The following TGFB3 variants were observed in gnomAD, a reference collection of about 807,000 sequenced individuals.
TGFB3 encodes transforming growth factor beta-3 proprotein.
Under a neutral mutation model 40.1 loss-of-function variants are expected in TGFB3, and 5 were observed. The ratio of observed to expected loss-of-function variants is 0.12; its 90% CI spans 0.07 to 0.26. TGFB3 has a LOEUF of 0.26. Ranked by LOEUF, TGFB3 falls within the 10% of genes least tolerant of loss-of-function variation. The probability of loss-of-function intolerance (pLI) is 1.00; values close to 1 mark genes in which losing one functional copy is unlikely to be tolerated. For synonymous variants in TGFB3, 184 were observed against 205.6 expected, an observed-to-expected ratio of 0.89 and a Z score of 0.90; for missense variants, 373 against 530.1, an observed-to-expected ratio of 0.70 and a Z score of 2.91.
chr14:75,966,247 T>C (rs2035220095), intron 3 of TGFB3: 1 of 174,160 alleles, frequency 5.7e-6, no homozygotes, highest in Non-Finnish European at 1.2e-5. Flanking sequence ...GGCAAAAAGA[T>C]TCAAGTCAGG....
chr14:75,969,126 A>G (rs2035256443), intron 3 of TGFB3, among the ~76,000 whole-genome samples: 1 of 152,214 alleles, frequency 6.6e-6, no homozygotes, highest in African/African-American at 2.4e-5. Context: ...AAAACTGTTG[A>G]TGACTAGTCA....
chr14:75,960,863 T>C, intron 6 of TGFB3, 60 bp downstream of exon 6: 2 of 1,608,668 alleles, frequency 1.2e-6, no homozygotes, highest in East Asian at 2.2e-5. Context: ...CTCATTCTTT[T>C]TAACAAGTGG....
At chr14:75,965,445 T>C (rs911891424) in intron 4 of TGFB3, 143 bp downstream of exon 4, 8 of 722,832 alleles carry the variant, frequency 1.1e-5, no homozygotes, top group African/African-American at 5.2e-5. Context: ...CAAAGCAGAA[T>C]TACTCAAGTA....
chr14:75,960,334 C>G (rs1259643293), intron 6 of TGFB3: 1 of 156,992 alleles, frequency 6.4e-6, no homozygotes, highest in Non-Finnish European at 1.4e-5. Context: ...TTGCCTTGAG[C>G]CATTTAGTAA....
intron 6 of TGFB3, among the ~76,000 whole-genome samples, chr14:75,959,918 C>T (rs979981832): frequency 8.4e-5 from 11 of 130,620 alleles, no homozygotes; most frequent in Non-Finnish European, 1.6e-4. Flanking sequence ...ACACTGATAA[C>T]GAATTATCTT....
Position 75,963,363 on chromosome 14 carries a change from C to T in TGFB3, c.879G>A (p.Gln293=). Residue 293 remains glutamine (Q), a synonymous_variant, in exon 5 of 7, where the codon CAG becomes CAA. Transcript: ENST00000238682. Reference sequence around the variant, plus strand: ...AAGCCCGCTTCTTCCTCTGACCCCCCTGGCCCGGGTTGTCGAGCCGGTGTG... The same window carrying T: ...AAGCCCGCTTCTTCCTCTGACCCCCTTGGCCCGGGTTGTCGAGCCGGTGTG... ...IPPHRLDNPG[Q]GGQRKKRALD... The T allele has an allele frequency of 6.2e-7, 1 of 1,614,230 alleles. No homozygotes were observed. The highest frequency in any genetic ancestry group is 2.2e-5 in the East Asian group (1 of 44,880).
intron 1 of TGFB3, among the ~76,000 whole-genome samples, chr14:75,976,315 C>T (rs1044201879): frequency 6.6e-6 from 1 of 152,122 alleles, no homozygotes; most frequent in Non-Finnish European, 1.5e-5. Context: ...GTGGGGTCCA[C>T]GGCATATTTT....
chr14:75,964,962 C>T (rs1238755067), intron 4 of TGFB3, among the ~76,000 whole-genome samples: 1 of 152,210 alleles, frequency 6.6e-6, no homozygotes, highest in Non-Finnish European at 1.5e-5. Flanking sequence ...AAGAGAACTT[C>T]CCTGAACTCC....
chr14:75,979,594 T>C lies in TGFB3; in HGVS notation c.352+948A>G, dbSNP rs2035396914. On this transcript the variant is annotated intron_variant, in intron 1 of 6. Coordinates refer to ENST00000238682, the MANE Select transcript of TGFB3 (RefSeq NM_003239.5). This position sits in a 1 kb window ranked among gnomAD's most constrained non-coding sequence, Gnocchi z 4.8. ...TAAAATCCCCTTCAGTAAACACATA[T>C]GACTTCCACACGTGTACCAACACAC... is the stretch of plus-strand genomic sequence containing the variant. 6.6e-6 allele frequency among the ~76,000 whole-genome samples: 1 copy of C among 152,072 alleles called. No individual in the cohort carries two copies. The highest frequency in any genetic ancestry group is 6.6e-5 in the Admixed American group (1 of 15,266).
chr14:75,977,885 C>T (rs1479097615), intron 1 of TGFB3, among the ~76,000 whole-genome samples: 3 of 151,960 alleles, frequency 2.0e-5, no homozygotes, highest in Non-Finnish European at 2.9e-5. Flanking sequence ...TAACTACATG[C>T]GTCCTGCACA....
intron 6 of TGFB3, among the ~76,000 whole-genome samples, chr14:75,959,768 C>CA (rs893308421): frequency 7.3e-6 from 1 of 137,418 alleles, no homozygotes; most frequent in Non-Finnish European, 1.6e-5. Flanking sequence ...GAGTCTGTCT[C>CA]AAAAAAAAGA....
chr14:75,972,296 A>G (rs2035303560), intron 1 of TGFB3, among the ~76,000 whole-genome samples: 1 of 152,224 alleles, frequency 6.6e-6, no homozygotes. Context: ...AGTTATTTAT[A>G]TCCTGCTGCT....
At position 75,971,074 on chromosome 14, in the gene TGFB3, A is replaced by G; in HGVS notation, c.646+52T>C. The G allele has an allele frequency of 6.2e-7, 1 of 1,609,660 alleles. No individual in the cohort carries two copies. Among genetic ancestry groups the G allele is most frequent in the Non-Finnish European group, 8.5e-7 (1 of 1,179,024 alleles). ...TCCTCTTCCCTCCATTTCATGGAGG[A>G]CTAAGGGACCTGAGGTTCATTCTGA... On this transcript the variant is annotated intron_variant, in intron 3 of 6. Transcript: ENST00000238682. The surrounding 1 kb of genome is among the most constrained non-coding windows in gnomAD (Gnocchi z 4.5).
chr14:75,980,854 G>A lies in TGFB3; in HGVS notation c.40C>T (p.Leu14=). The change falls in exon 1 of 7, where the codon CTG becomes TTG. Residue 14 remains leucine, a synonymous_variant. Transcript: ENST00000238682. The surrounding 1 kb of genome is among the most constrained non-coding windows in gnomAD (Gnocchi z 4.3). ...AGGCTGACCGTGGCAAAGTTCAGCA[G>A]GGCCAGGACCACCAGAGCCCTTTGC... The part of the protein sequence containing the change: ...HLQRALVVLA[L]LNFATVSLSL... 1 of 1,614,202 alleles carries A rather than the reference G, an allele frequency of 6.2e-7. No homozygotes were observed. Among genetic ancestry groups the A allele is most frequent in the East Asian group, 2.2e-5 (1 of 44,884 alleles).
intron 3 of TGFB3, among the ~76,000 whole-genome samples, chr14:75,968,863 G>A (rs4612998): frequency 1.3e-5 from 2 of 152,084 alleles, no homozygotes; most frequent in South Asian, 4.2e-4. Context: ...ATGCAAACTC[G>A]ATGGCTACCG....
chr14:75,975,041 C>T (rs1211740852), intron 1 of TGFB3, among the ~76,000 whole-genome samples: 1 of 149,100 alleles, frequency 6.7e-6, no homozygotes, highest in Non-Finnish European at 1.5e-5. Context: ...GCCTGGACAA[C>T]ATAGGGAGGA....
chr14:75,971,845 A>G lies in TGFB3; in HGVS notation c.353-127T>C. 1 of 983,402 alleles carries G rather than the reference A, an allele frequency of 1.0e-6. No individual in the cohort carries two copies. Among genetic ancestry groups the G allele is most frequent in the Non-Finnish European group, 1.5e-6 (1 of 645,736 alleles). The allele number at this position is 983,402 out of a possible 1,614,324, so 60.9% of individuals were successfully genotyped here. A position where few individuals can be genotyped will look rare whatever the true frequency, so the allele number is the denominator to read the frequency against. On this transcript the variant is annotated intron_variant, in intron 1 of 6. Coordinates refer to ENST00000238682, the MANE Select transcript of TGFB3 (RefSeq NM_003239.5). This position sits in a 1 kb window ranked among gnomAD's most constrained non-coding sequence, Gnocchi z 4.5. ...CCTCCCTAGAGGCTTGAGGCCTCAG[A>G]CCGCAAGGTGGAGATACGAGGAAGA...
chr14:75,968,084 G>A (rs1391329625), intron 3 of TGFB3, among the ~76,000 whole-genome samples: 1 of 152,218 alleles, frequency 6.6e-6, no homozygotes, highest in Non-Finnish European at 1.5e-5. Context: ...TGGGTCCCCA[G>A]CGGCCCTTGT....
chr14:75,963,878 G>T (rs1595339556), intron 4 of TGFB3, among the ~76,000 whole-genome samples: 1 of 151,634 alleles, frequency 6.6e-6, no homozygotes, highest in Non-Finnish European at 1.5e-5. Context: ...TTGTTTATTT[G>T]TTTGTTTGTT....
Sources: allele counts gnomAD v4.1 joint callset (sites outside exome capture counted in the v4.1 genomes callset), GRCh38; gene constraint gnomAD v4.1.1; non-coding constraint Gnocchi (gnomAD v3.1); transcripts MANE v1.5; gene names NCBI Gene and HGNC (gene_info 2026-07-23, HGNC 2026-07-21).